ZC4H2: variants seen among roughly 807,000 people sequenced by gnomAD.
ZC4H2 encodes the protein zinc finger C4H2-type containing.
For missense variants in ZC4H2, 137 were observed against 173.9 expected (o/e 0.79, Z 1.19); for synonymous variants, 84 against 66.3 (o/e 1.27, Z -1.30).
At chrX:64,919,280 A>T in intron 3 of ZC4H2, 76 bp from the exon 4 acceptor site, 1 of 1,122,926 alleles carries the variant, frequency 8.9e-7, no homozygotes, top group Non-Finnish European at 1.2e-6. Context: ...ACTCCATGCC[A>T]TACAACCAAG....
intron 1 of ZC4H2, among the ~76,000 whole-genome samples, chrX:64,975,365 A>C (rs993031873): frequency 1.0e-4 from 11 of 106,574 alleles, no homozygotes; most frequent in African/African-American, 3.8e-4. Context: ...CTCATCCAGC[A>C]CTCTAAGGGT....
At chrX:65,027,310 G>T (rs908319585) in intron 1 of ZC4H2, among the ~76,000 whole-genome samples, 2 of 111,716 alleles carry the variant, frequency 1.8e-5, no homozygotes, top group Admixed American at 9.5e-5. Context: ...AGCAGGGAGA[G>T]AATTTGGTAA....
intron 1 of ZC4H2, among the ~76,000 whole-genome samples, chrX:64,937,979 A>T (rs1462400764): frequency 6.3e-5 from 7 of 111,911 alleles, no homozygotes; most frequent in African/African-American, 2.3e-4. Context: ...CCTTCAAAAA[A>T]ATCAATGAAT....
chrX:65,016,553 G>T (rs1932798728), intron 1 of ZC4H2, among the ~76,000 whole-genome samples: 1 of 111,912 alleles, frequency 8.9e-6, no homozygotes, highest in East Asian at 2.8e-4. Flanking sequence ...ATAAGTACCT[G>T]CTAGAATAAA....
chrX:64,994,083 T>C (rs1006461116), intron 1 of ZC4H2, among the ~76,000 whole-genome samples: 1 of 112,554 alleles, frequency 8.9e-6, no homozygotes, highest in African/African-American at 3.2e-5. Flanking sequence ...TCAAGTATTT[T>C]ATTTTGCAGT....
chrX:65,014,886 A>G (rs756014866), intron 1 of ZC4H2, among the ~76,000 whole-genome samples: 1 of 111,906 alleles, frequency 8.9e-6, no homozygotes, highest in Non-Finnish European at 1.9e-5. Flanking sequence ...ATAATTCTCA[A>G]TATTATGTGT....
chrX:65,018,041 C>T (rs908963060), intron 1 of ZC4H2, among the ~76,000 whole-genome samples: 1 of 111,990 alleles, frequency 8.9e-6, no homozygotes, highest in Non-Finnish European at 1.9e-5. Flanking sequence ...ACACAACTCA[C>T]AGAACGGGAT....
At chrX:64,937,026 C>T (rs752987210) in intron 1 of ZC4H2, among the ~76,000 whole-genome samples, 4 of 110,064 alleles carry the variant, frequency 3.6e-5, no homozygotes, top group Admixed American at 9.7e-5. Context: ...GGGGACCCAT[C>T]TCACATGCAA....
At chrX:64,979,330 T>C (rs1239311967), upstream of ZC4H2, among the ~76,000 whole-genome samples, 6 of 112,658 alleles carry the variant, frequency 5.3e-5, no homozygotes, top group Non-Finnish European at 1.1e-4. Context: ...GCATGTCCCA[T>C]GCTTCCAACT....
chrX:64,946,723 G>A lies in ZC4H2; in HGVS notation c.54-24735C>T, dbSNP rs560060455. ...ATAGATAGATTCTTAAAACAACCAG[G>A]GATTCATCTCAGGAGTGGGATTTCA... On this transcript the variant is annotated intron_variant, in intron 1 of 4. Transcript: ENST00000374839. 9.9e-5 allele frequency among the ~76,000 whole-genome samples: 11 copies of A among 110,743 alleles called. No homozygotes were observed. In the South Asian group the frequency reaches 4.1e-3, roughly 42 times the overall value.
chrX:64,937,642 C>G (rs1351597923), intron 1 of ZC4H2, among the ~76,000 whole-genome samples: 3 of 111,607 alleles, frequency 2.7e-5, no homozygotes, highest in Admixed American at 9.6e-5. Flanking sequence ...CTCAAAACCA[C>G]ACAACTACAT....
At position 64,952,408 on chromosome X, in the gene ZC4H2, C is replaced by T. The variant is rs150396266; in HGVS notation, c.53+23917G>A. Among the ~76,000 whole-genome samples, 599 of 109,876 alleles carry T rather than the reference C, an allele frequency of 5.5e-3. 5 individuals are homozygous for T. Among genetic ancestry groups the T allele is most frequent in the Non-Finnish European group, 8.0e-3 (423 of 52,716 alleles). On this transcript the variant is annotated intron_variant, in intron 1 of 4. Coordinates refer to ENST00000374839, the MANE Select transcript of ZC4H2 (RefSeq NM_018684.4). ...ACCTTGGGCAGTATGGCCATTTTCA[C>T]AATATTGACCCCATCATGTCAGCCC...
intron 1 of ZC4H2, among the ~76,000 whole-genome samples, chrX:64,952,345 T>G (rs2147390773): frequency 9.1e-6 from 1 of 109,660 alleles, no homozygotes; most frequent in East Asian, 2.9e-4. Context: ...AAGAAAGTCA[T>G]TGGTAGCTTG....
intron 1 of ZC4H2, among the ~76,000 whole-genome samples, chrX:65,003,011 C>T (rs1932576472): frequency 9.2e-6 from 1 of 108,471 alleles, no homozygotes; most frequent in African/African-American, 3.4e-5. Flanking sequence ...GTCCTATGAC[C>T]CTGCCAAATC....
At chrX:64,980,925 G>T (rs918339648), upstream of ZC4H2, among the ~76,000 whole-genome samples, 2 of 110,936 alleles carry the variant, frequency 1.8e-5, no homozygotes, top group African/African-American at 6.6e-5. Context: ...ACTAATTGAG[G>T]ATAATAGGAC....
intron 1 of ZC4H2, among the ~76,000 whole-genome samples, chrX:64,930,341 C>A (rs1248087375): frequency 9.0e-6 from 1 of 111,487 alleles, no homozygotes; most frequent in Admixed American, 9.5e-5. Flanking sequence ...TCCACTTTTC[C>A]AATTTGGATG....
chrX:64,935,412 G>A (rs985760111), intron 1 of ZC4H2, among the ~76,000 whole-genome samples: 1 of 112,039 alleles, frequency 8.9e-6, no homozygotes, highest in African/African-American at 3.2e-5. Flanking sequence ...CAGACTTAAA[G>A]GTCACTGTGT....
chrX:64,966,282 C>G (rs1264266617), intron 1 of ZC4H2, among the ~76,000 whole-genome samples: 1 of 112,319 alleles, frequency 8.9e-6, no homozygotes, highest in African/African-American at 3.2e-5. Context: ...GGCTATAATG[C>G]CTTTTTGAGG....
intron 1 of ZC4H2, among the ~76,000 whole-genome samples, chrX:64,984,924 A>G (rs770489358): frequency 1.8e-5 from 2 of 112,176 alleles, no homozygotes; most frequent in Admixed American, 9.4e-5. Flanking sequence ...TTCTTTCACT[A>G]TTAGAGTTTT....
Sources: allele counts gnomAD v4.1 joint callset (sites outside exome capture counted in the v4.1 genomes callset), GRCh38; gene constraint gnomAD v4.1.1; transcripts MANE v1.5; gene names NCBI Gene and HGNC (gene_info 2026-07-23, HGNC 2026-07-21).